CBFA2T2: variants seen among roughly 807,000 people sequenced by gnomAD.
The protein encoded by CBFA2T2 is CBFA2/RUNX1 partner transcriptional co-repressor 2.
Under a neutral mutation model 62.2 loss-of-function variants are expected in CBFA2T2, and 11 were observed. The observed-to-expected ratio is 0.18, with a 90% CI of 0.11 to 0.29. The LOEUF (loss-of-function observed/expected upper bound fraction) is 0.29. CBFA2T2 is among the 10% of genes least tolerant of loss of function. The pLI, the probability that CBFA2T2 is intolerant of heterozygous loss-of-function variation, is 1.00. For missense variants in CBFA2T2, 592 were observed against 774.1 expected (o/e 0.76, Z 2.79); for synonymous variants, 295 against 287.5 (o/e 1.03, Z -0.27).
At chr20:33,607,661 C>T (rs1289370478) in intron 2 of CBFA2T2, among the ~76,000 whole-genome samples, 1 of 152,188 alleles carries the variant, frequency 6.6e-6, no homozygotes. Context: ...CATATCCTCA[C>T]ATGGTCTTTC....
chr20:33,549,101 G>A (rs1027097282), intron 1 of CBFA2T2, among the ~76,000 whole-genome samples: 1 of 152,118 alleles, frequency 6.6e-6, no homozygotes, highest in African/African-American at 2.4e-5. Context: ...AATCTGGGAC[G>A]AGGAAAATCT....
intron 1 of CBFA2T2, among the ~76,000 whole-genome samples, chr20:33,547,909 G>A (rs1482135027): frequency 1.3e-5 from 2 of 151,692 alleles, no homozygotes; most frequent in African/African-American, 2.4e-5. Flanking sequence ...ACTTTACTGA[G>A]GGGTAAGGCA....
intron 1 of CBFA2T2, among the ~76,000 whole-genome samples, chr20:33,556,279 C>G (rs1452827472): frequency 6.6e-6 from 1 of 152,086 alleles, no homozygotes; most frequent in Non-Finnish European, 1.5e-5. Context: ...TTGTTCTGTA[C>G]TTAGTTTGGG....
At chr20:33,518,606 C>CAA (rs1232405120) in intron 1 of CBFA2T2, among the ~76,000 whole-genome samples, 84 of 102,952 alleles carry the variant, frequency 8.2e-4, no homozygotes, top group African/African-American at 2.0e-3. Context: ...ACTAAAAATA[C>CAA]AAAAAAAAAA....
At chr20:33,496,412 C>T (rs149847104) in intron 1 of CBFA2T2, among the ~76,000 whole-genome samples, 1,636 of 152,296 alleles carry the variant, frequency 0.011, 12 homozygotes, top group Middle Eastern at 0.034. Context: ...ATTCTGCCTT[C>T]TTAGTTATCT....
intron 1 of CBFA2T2, among the ~76,000 whole-genome samples, chr20:33,500,188 C>G (rs897160769): frequency 6.6e-6 from 1 of 151,904 alleles, no homozygotes; most frequent in Non-Finnish European, 1.5e-5. Flanking sequence ...GAACTCCTGA[C>G]TTGTGATCTG....
chr20:33,593,415 A>G lies in CBFA2T2; in HGVS notation c.35-13541A>G, dbSNP rs1275459123. ...GATTTTTTTTTTTTTTTTTTTTTTGAGACAGAGTCTCACTGTGTTTCCCAG... is the reference window on the plus strand; with the variant it reads ...GATTTTTTTTTTTTTTTTTTTTTTGGGACAGAGTCTCACTGTGTTTCCCAG... On this transcript the variant is annotated intron_variant, in intron 1 of 10. Transcript: ENST00000342704. Among the ~76,000 whole-genome samples the G allele has an allele frequency of 5.7e-4, 32 of 56,292 alleles. No individual in the cohort carries two copies. The Admixed American group carries it at 5.9e-3, about 10-fold the overall frequency. 36.9% of individuals were successfully genotyped at this position (56,292 alleles called of 152,430 possible).
At chr20:33,490,996 G>T (rs2011142703) in intron 1 of CBFA2T2, among the ~76,000 whole-genome samples, 2 of 152,304 alleles carry the variant, frequency 1.3e-5, no homozygotes, top group South Asian at 4.1e-4. Flanking sequence ...GGCTCTAGCC[G>T]TGTTAAGATT....
At chr20:33,599,209 C>T (rs979462092) in intron 1 of CBFA2T2, among the ~76,000 whole-genome samples, 3 of 151,560 alleles carry the variant, frequency 2.0e-5, no homozygotes, top group Non-Finnish European at 4.4e-5. Flanking sequence ...TTGCAGTGAA[C>T]AGAGATGGCG....
At chr20:33,619,664 TC>T in intron 4 of CBFA2T2, 58 bp downstream of exon 4, 1 of 1,254,502 alleles carries the variant, frequency 8.0e-7, no homozygotes, top group Non-Finnish European at 1.1e-6. Flanking sequence ...ATTCTGCTAA[TC>T]CCTGTTACGT....
At chr20:33,579,078 A>T (rs2013976569) in intron 1 of CBFA2T2, among the ~76,000 whole-genome samples, 1 of 150,754 alleles carries the variant, frequency 6.6e-6, no homozygotes, top group Non-Finnish European at 1.5e-5. Flanking sequence ...GTTCAACCCA[A>T]TGAGTGCCTT....
chr20:33,518,511 C>G (rs1426153633), intron 1 of CBFA2T2, among the ~76,000 whole-genome samples: 1 of 151,690 alleles, frequency 6.6e-6, no homozygotes, highest in Non-Finnish European at 1.5e-5. Flanking sequence ...TCCTGTAATC[C>G]CCACACTTTG....
chr20:33,580,409 T>C (rs1190754013), intron 1 of CBFA2T2, among the ~76,000 whole-genome samples: 1 of 152,202 alleles, frequency 6.6e-6, no homozygotes, highest in African/African-American at 2.4e-5. Flanking sequence ...AAGATGAACG[T>C]GGCCCCAACT....
intron 4 of CBFA2T2, 128 bp downstream of exon 4, chr20:33,619,734 G>A: frequency 1.6e-6 from 1 of 611,876 alleles, no homozygotes; most frequent in South Asian, 2.2e-5. Flanking sequence ...TGGTAGAGAG[G>A]TCTGAGTGCA....
intron 3 of CBFA2T2, among the ~76,000 whole-genome samples, chr20:33,616,108 GAT>G (rs2015701741): frequency 6.6e-6 from 1 of 151,670 alleles, no homozygotes; most frequent in African/African-American, 2.4e-5. Context: ...TAGATAGATA[GAT>G]AGATAGATAG....
chr20:33,536,667 C>A (rs979303057), intron 1 of CBFA2T2, among the ~76,000 whole-genome samples: 1 of 149,708 alleles, frequency 6.7e-6, no homozygotes. Flanking sequence ...ATGGGGCGGC[C>A]GGGCAGAGAC....
intron 1 of CBFA2T2, among the ~76,000 whole-genome samples, chr20:33,523,311 G>A (rs966152829): frequency 3.9e-5 from 6 of 151,952 alleles, no homozygotes; most frequent in African/African-American, 1.5e-4. Flanking sequence ...AGACAGTCTT[G>A]CTGTGTTGCC....
chr20:33,531,177 A>ACAGTGT (rs1320713439), intron 1 of CBFA2T2, among the ~76,000 whole-genome samples: 1 of 152,204 alleles, frequency 6.6e-6, no homozygotes. Context: ...AGGGTGCAGT[A>ACAGTGT]CAGTGTCAGT....
intron 5 of CBFA2T2, chr20:33,623,974 G>C: frequency 1.8e-6 from 1 of 558,288 alleles, no homozygotes. Flanking sequence ...AAAAAGAAAA[G>C]AAAAGAAAAA....
Sources: gnomAD v4.1 joint callset for allele counts (sites outside exome capture counted in the v4.1 genomes callset) on GRCh38, gnomAD v4.1.1 for gene constraint, MANE v1.5 for transcripts, NCBI Gene and HGNC (gene_info 2026-07-23, HGNC 2026-07-21) for gene names.